RAB30: variants seen among roughly 807,000 people sequenced by gnomAD.
RAB30 encodes ras-related protein Rab-30.
RAB30 carries 9 observed loss-of-function variants against 25.1 expected under a neutral mutation model. The observed-to-expected ratio is 0.36, with a 90% CI of 0.22 to 0.63. The LOEUF (loss-of-function observed/expected upper bound fraction) is 0.63. RAB30 is among the 20% of genes least tolerant of loss of function. RAB30 has a pLI of 0.69. For synonymous variants in RAB30, 77 were observed against 86.4 expected, an observed-to-expected ratio of 0.89 and a Z score of 0.60; for missense variants, 140 against 243.5, an observed-to-expected ratio of 0.58 and a Z score of 2.83.
At chr11:82,994,343 A>C (rs1455775035) in intron 2 of RAB30, among the ~76,000 whole-genome samples, 1 of 152,164 alleles carries the variant, frequency 6.6e-6, no homozygotes, top group Non-Finnish European at 1.5e-5. Context: ...AGAAATGCTG[A>C]AAGAAGAGGA....
Position 82,981,991 on chromosome 11 carries a change from C to T in RAB30, c.*174G>A, listed in dbSNP as rs1017626687. The T allele has an allele frequency of 1.1e-5, 9 of 792,760 alleles. No individual in the cohort carries two copies. In the Admixed American group the frequency reaches 2.2e-4, roughly 19 times the overall value. 49.1% of individuals were successfully genotyped at this position (792,760 alleles called of 1,614,324 possible). On this transcript the variant is annotated 3_prime_UTR_variant, in exon 5 of 5. Coordinates refer to ENST00000527633, the MANE Select transcript of RAB30 (RefSeq NM_001286060.2). ...GAAAAGGGTGAAACCATTATATGTT[C>T]TGCTAATGCTGGCCTGTGGTCGAGG...
At chr11:83,067,119 C>G (rs551412799) in intron 1 of RAB30, among the ~76,000 whole-genome samples, 10 of 152,246 alleles carry the variant, frequency 6.6e-5, no homozygotes, top group Middle Eastern at 3.4e-3. Context: ...ATCACCCCTA[C>G]CCCCTAGCCT....
intron 1 of RAB30, among the ~76,000 whole-genome samples, chr11:83,010,772 G>C (rs138392520): frequency 6.6e-6 from 1 of 152,032 alleles, no homozygotes; most frequent in African/African-American, 2.4e-5. Flanking sequence ...ATAACTGAAC[G>C]AACCCAAAAT....
At chr11:83,016,749 TAATC>T (rs1857447386) in intron 1 of RAB30, among the ~76,000 whole-genome samples, 1 of 152,108 alleles carries the variant, frequency 6.6e-6, no homozygotes, top group South Asian at 2.1e-4. Context: ...GCTCTGAAAA[TAATC>T]AGAACAGAGT....
Position 82,994,119 on chromosome 11 carries a change from G to A in RAB30, c.97C>T (p.Leu33Phe), listed in dbSNP as rs1856911299. The A allele has an allele frequency of 3.1e-6, 5 of 1,600,220 alleles. No homozygotes were observed. The East Asian group carries it at 1.1e-4, about 36-fold the overall frequency. The change falls in exon 3 of 5, where the codon CTT (leucine) becomes TTT (phenylalanine). Residue 33 changes from leucine to phenylalanine, a missense_variant. Coordinates refer to ENST00000527633, the MANE Select transcript of RAB30 (RefSeq NM_001286060.2). ...TCLVRRFTQG[L>F]FPPGQGATIG... ...GTGGCTCCTTGACCTGGGGGGAAAA[G>A]ACCCTGAAGAAGAAATAATAGAAAA...
chr11:83,005,316 A>C (rs901737484), intron 1 of RAB30, among the ~76,000 whole-genome samples: 3 of 152,228 alleles, frequency 2.0e-5, no homozygotes, highest in Admixed American at 6.5e-5. Flanking sequence ...ATGTGTCCCC[A>C]GGTTCCTGGC....
rs1169770619 is a variant in RAB30, at chr11:82,981,674, A to G, written c.*491T>C. The G allele has an allele frequency of 6.5e-6, 1 of 153,524 alleles. No individual in the cohort carries two copies. Among genetic ancestry groups the G allele is most frequent in the African/African-American group, 2.4e-5 (1 of 41,448 alleles). 9.5% of individuals were successfully genotyped at this position (153,524 alleles called of 1,614,324 possible). On this transcript the variant is annotated 3_prime_UTR_variant, in exon 5 of 5. Transcript: ENST00000527633. ...GTGGACAAGAGAAATAACACTTTTC[A>G]AAATCTCCATGGGGTCGTCAATACG...
chr11:83,006,243 T>G (rs1451066774), intron 1 of RAB30, among the ~76,000 whole-genome samples: 2 of 152,152 alleles, frequency 1.3e-5, no homozygotes, highest in Non-Finnish European at 2.9e-5. Flanking sequence ...ACATTTATAC[T>G]CACAAAGGCA....
chr11:83,025,322 TCTGA>T (rs1435320557), intron 1 of RAB30, among the ~76,000 whole-genome samples: 1 of 152,234 alleles, frequency 6.6e-6, no homozygotes, highest in Non-Finnish European at 1.5e-5. Flanking sequence ...ACAACACATC[TCTGA>T]CTGAGTCCAT....
intron 1 of RAB30, among the ~76,000 whole-genome samples, chr11:83,046,933 T>G (rs1858247571): frequency 6.6e-6 from 1 of 152,256 alleles, no homozygotes; most frequent in Admixed American, 6.5e-5. Flanking sequence ...AGATTATCTC[T>G]AAAGTCCCTT....
chr11:83,065,293 G>C (rs985494058), intron 1 of RAB30, among the ~76,000 whole-genome samples: 1 of 152,128 alleles, frequency 6.6e-6, no homozygotes, highest in African/African-American at 2.4e-5. Context: ...AGGAGTCTGA[G>C]ATGGGAGGAT....
chr11:83,011,986 A>G (rs1857314720), intron 1 of RAB30, among the ~76,000 whole-genome samples: 1 of 152,142 alleles, frequency 6.6e-6, no homozygotes, highest in South Asian at 2.1e-4. Context: ...GATATGCACT[A>G]AATGAGGGGA....
chr11:83,048,119 C>T (rs117116849), intron 1 of RAB30, among the ~76,000 whole-genome samples: 2,100 of 152,162 alleles, frequency 0.014, 30 homozygotes, highest in Non-Finnish European at 0.02. Flanking sequence ...CACAAGGCCC[C>T]GTATGCCCAG....
chr11:83,003,601 A>G (rs1857131094), intron 1 of RAB30, among the ~76,000 whole-genome samples: 2 of 152,006 alleles, frequency 1.3e-5, no homozygotes, highest in South Asian at 4.1e-4. Flanking sequence ...TTGTGTTTTT[A>G]GTAGAGACGG....
intron 1 of RAB30, among the ~76,000 whole-genome samples, chr11:83,027,385 C>T (rs997108680): frequency 2.0e-5 from 3 of 152,134 alleles, no homozygotes; most frequent in Non-Finnish European, 4.4e-5. Flanking sequence ...GCAAAGGTTC[C>T]CATGTTTCTT....
chr11:83,009,067 G>C (rs1857248177), intron 1 of RAB30, among the ~76,000 whole-genome samples: 2 of 151,014 alleles, frequency 1.3e-5, no homozygotes, highest in Non-Finnish European at 2.9e-5. Flanking sequence ...TGGCCAAAAA[G>C]CGGGAAACCT....
chr11:83,032,711 T>G (rs185531803), intron 1 of RAB30, among the ~76,000 whole-genome samples: 88 of 152,324 alleles, frequency 5.8e-4, no homozygotes, highest in African/African-American at 2.0e-3. Context: ...GCATTAATTA[T>G]TTTTATGTAA....
Position 83,045,793 on chromosome 11 carries a change from T to A in RAB30, c.-9+25898A>T, listed in dbSNP as rs574128293. Among the ~76,000 whole-genome samples the A allele has an allele frequency of 1.0e-3, 154 of 152,326 alleles. 1 individual carries two copies. The highest frequency in any genetic ancestry group is 5.0e-3 in the South Asian group (24 of 4,824). On this transcript the variant is annotated intron_variant, in intron 1 of 4. Coordinates refer to ENST00000527633, the MANE Select transcript of RAB30 (RefSeq NM_001286060.2). ...GGTAAATGTTGGCTATAATTATTAA[T>A]CTTTGTTATTATCTGAGTGGTTACA...
intron 3 of RAB30, among the ~76,000 whole-genome samples, chr11:82,990,116 C>G (rs1016696003): frequency 6.6e-6 from 1 of 152,222 alleles, no homozygotes; most frequent in African/African-American, 2.4e-5. Context: ...ACTGTAGCCA[C>G]GGGCTTTCTA....
Sources: gnomAD v4.1 joint callset for allele counts (sites outside exome capture counted in the v4.1 genomes callset) on GRCh38, gnomAD v4.1.1 for gene constraint, MANE v1.5 for transcripts, NCBI Gene and HGNC (gene_info 2026-07-23, HGNC 2026-07-21) for gene names.